The following KCNC2 variants were observed in gnomAD, a reference collection of about 807,000 sequenced individuals.
KCNC2 encodes voltage-gated potassium channel KCNC2.
KCNC2 carries 21 observed loss-of-function variants against 44.5 expected under a neutral mutation model. The ratio of observed to expected loss-of-function variants is 0.47; its 90% CI spans 0.33 to 0.68. The LOEUF (loss-of-function observed/expected upper bound fraction) is 0.68. Among genes scored for constraint, KCNC2 ranks in the 30% least tolerant of loss-of-function variants. KCNC2 has a pLI of 0.01. For synonymous variants in KCNC2, 391 were observed against 339.1 expected (o/e 1.15, Z -1.68); for missense variants, 589 against 826.2 (o/e 0.71, Z 3.52).
At chr12:75,046,892 A>G (rs1174209701) in intron 4 of KCNC2, among the ~76,000 whole-genome samples, 3 of 151,958 alleles carry the variant, frequency 2.0e-5, no homozygotes, top group African/African-American at 4.8e-5. Context: ...CAGAGAAGAA[A>G]AATCTAAAGT....
chr12:75,204,933 G>T (rs939577913), intron 2 of KCNC2, among the ~76,000 whole-genome samples: 3 of 152,036 alleles, frequency 2.0e-5, no homozygotes, highest in East Asian at 1.9e-4. Flanking sequence ...GTTCAAACAG[G>T]ATTCTTTTTA....
intron 2 of KCNC2, among the ~76,000 whole-genome samples, chr12:75,109,883 TAAA>T (rs920593541): frequency 2.6e-5 from 4 of 152,016 alleles, no homozygotes; most frequent in Admixed American, 6.6e-5. Context: ...CTCTAGATCT[TAAA>T]AAAATCTAAT....
intron 4 of KCNC2, among the ~76,000 whole-genome samples, chr12:75,045,158 A>G (rs192293816): frequency 4.8e-4 from 73 of 152,128 alleles, no homozygotes; most frequent in South Asian, 1.0e-3. Context: ...AGTGGTGAAT[A>G]TGCATGAACT....
chr12:75,180,196 G>A (rs1892484954), intron 2 of KCNC2, among the ~76,000 whole-genome samples: 1 of 151,806 alleles, frequency 6.6e-6, no homozygotes, highest in African/African-American at 2.4e-5. Context: ...ATGTCATATA[G>A]TTAGTATCAC....
At chr12:75,073,999 C>T (rs1462473778) in intron 2 of KCNC2, among the ~76,000 whole-genome samples, 1 of 152,026 alleles carries the variant, frequency 6.6e-6, no homozygotes, top group Non-Finnish European at 1.5e-5. Flanking sequence ...TCTTTTATGC[C>T]TTTGCCTATT....
intron 2 of KCNC2, among the ~76,000 whole-genome samples, chr12:75,166,225 T>C (rs1891441222): frequency 6.6e-6 from 1 of 151,088 alleles, no homozygotes; most frequent in Admixed American, 6.6e-5. Flanking sequence ...TTTATATATC[T>C]AGTGCAGGGA....
At chr12:75,204,869 G>A (rs1480059180) in intron 2 of KCNC2, among the ~76,000 whole-genome samples, 3 of 151,994 alleles carry the variant, frequency 2.0e-5, no homozygotes, top group African/African-American at 4.8e-5. Flanking sequence ...CTGAAGACAA[G>A]ACCCACAAAA....
At chr12:75,144,966 A>C (rs961580112) in intron 2 of KCNC2, among the ~76,000 whole-genome samples, 11 of 152,132 alleles carry the variant, frequency 7.2e-5, no homozygotes, top group African/African-American at 2.7e-4. Context: ...AAAGGAAAAA[A>C]GGGATTATGC....
chr12:75,098,879 A>C (rs1886150519), intron 2 of KCNC2, among the ~76,000 whole-genome samples: 1 of 152,128 alleles, frequency 6.6e-6, no homozygotes, highest in African/African-American at 2.4e-5. Flanking sequence ...CAGGAACATC[A>C]CACCCCTACC....
chr12:75,122,902 T>G lies in KCNC2; in HGVS notation c.688-71585A>C, dbSNP rs531124265. On this transcript the variant is annotated intron_variant, in intron 2 of 4. Coordinates refer to ENST00000549446, the MANE Select transcript of KCNC2 (RefSeq NM_139137.4). ...GAGACTATTTTATTTAATTCAGGTC[T>G]TATGCCAATCTGCCTTGATAATTTA... 4.6e-5 allele frequency among the ~76,000 whole-genome samples: 7 copies of G among 152,280 alleles called. 1 individual carries two copies. The South Asian group carries it at 8.3e-4, about 18-fold the overall frequency.
chr12:75,085,198 T>C (rs1271437258), intron 2 of KCNC2, among the ~76,000 whole-genome samples: 2 of 152,178 alleles, frequency 1.3e-5, no homozygotes, highest in East Asian at 3.9e-4. Context: ...CTTGCAATTG[T>C]ATTTCATGTC....
intron 2 of KCNC2, among the ~76,000 whole-genome samples, chr12:75,204,259 C>T (rs141273364): frequency 1.3e-3 from 204 of 152,026 alleles, no homozygotes; most frequent in Middle Eastern, 3.4e-3. Context: ...CCCTCATATA[C>T]GTATTTACTT....
chr12:75,105,973 G>A (rs575190460), intron 2 of KCNC2, among the ~76,000 whole-genome samples: 85 of 151,516 alleles, frequency 5.6e-4, no homozygotes, highest in African/African-American at 1.9e-3. Flanking sequence ...GAGAGACAAA[G>A]TAACAAGAGT....
intron 2 of KCNC2, among the ~76,000 whole-genome samples, chr12:75,115,928 A>C (rs1887627564): frequency 6.6e-6 from 1 of 152,090 alleles, no homozygotes; most frequent in Non-Finnish European, 1.5e-5. Context: ...TAAACTACTC[A>C]AGGAAATTAC....
intron 2 of KCNC2, among the ~76,000 whole-genome samples, chr12:75,066,035 C>T (rs7132356): frequency 0.16 from 24,848 of 151,872 alleles, 2,407 homozygotes; most frequent in Admixed American, 0.26. Context: ...ATCAAATATA[C>T]GTCTATTAAA....
chr12:75,129,807 G>C lies in KCNC2; in HGVS notation c.687+77490C>G, dbSNP rs76681639. Among the ~76,000 whole-genome samples the C allele has an allele frequency of 1.7e-3, 258 of 152,280 alleles. 2 individuals carry two copies. Among genetic ancestry groups the C allele is most frequent in the African/African-American group, 6.0e-3 (251 of 41,560 alleles). The stretch of plus-strand genomic sequence containing the variant: ...ATTCATGAAATGATGCAATGCCTAT[G>C]ACTTTACTGTAGTTTAATCCATTTT... On this transcript the variant is annotated intron_variant, in intron 2 of 4. Coordinates refer to ENST00000549446, the MANE Select transcript of KCNC2 (RefSeq NM_139137.4).
chr12:75,071,489 C>G (rs1592803499), intron 2 of KCNC2, among the ~76,000 whole-genome samples: 1 of 152,184 alleles, frequency 6.6e-6, no homozygotes, highest in East Asian at 1.9e-4. Context: ...GATAATTATC[C>G]TATATCCCTA....
chr12:75,139,086 A>G (rs1230470241), intron 2 of KCNC2, among the ~76,000 whole-genome samples: 2 of 152,092 alleles, frequency 1.3e-5, no homozygotes, highest in Non-Finnish European at 2.9e-5. Context: ...GAAAATGCCA[A>G]AGAATTGAAG....
At chr12:75,059,605 A>G (rs910884702) in intron 2 of KCNC2, among the ~76,000 whole-genome samples, 8 of 152,106 alleles carry the variant, frequency 5.3e-5, no homozygotes, top group African/African-American at 1.9e-4. Context: ...GTTAGCTCAT[A>G]TCACTTGGTT....
Sources: allele counts gnomAD v4.1 joint callset (sites outside exome capture counted in the v4.1 genomes callset), GRCh38; gene constraint gnomAD v4.1.1; transcripts MANE v1.5; gene names NCBI Gene and HGNC (gene_info 2026-07-23, HGNC 2026-07-21).